PTPRD: variants seen among roughly 807,000 people sequenced by gnomAD.
The protein encoded by PTPRD is protein tyrosine phosphatase receptor type D, also known as receptor-type tyrosine-protein phosphatase delta.
PTPRD carries 34 observed loss-of-function variants against 214.5 expected under a neutral mutation model. The ratio of observed to expected loss-of-function variants is 0.16; its 90% CI spans 0.12 to 0.21. PTPRD has a LOEUF of 0.21. PTPRD is among the 10% of genes least tolerant of loss of function. The pLI, the probability that PTPRD is intolerant of heterozygous loss-of-function variation, is 1.00. For synonymous variants in PTPRD, 1,128 were observed against 845.7 expected (o/e 1.33, Z -5.79); for missense variants, 2,545 against 2,398.7 (o/e 1.06, Z -1.27).
At chr9:9,748,738 G>A (rs192885085) in intron 6 of PTPRD, among the ~76,000 whole-genome samples, 14 of 152,202 alleles carry the variant, frequency 9.2e-5, no homozygotes, top group East Asian at 1.9e-4. Context: ...TTTAACTTAC[G>A]AATTTTGGCC....
chr9:8,526,640 A>G lies in PTPRD; in HGVS notation c.555T>C (p.Gly185=). 6.3e-7 allele frequency: 1 copy of G among 1,575,846 alleles called. No individual in the cohort carries two copies. The highest frequency in any genetic ancestry group is 8.6e-7 in the Non-Finnish European group (1 of 1,158,774). The change falls in exon 17 of 46, where the codon GGT becomes GGC. Residue 185 remains glycine (G), a synonymous_variant. Transcript: ENST00000381196. The part of the protein sequence containing the change: ...IKQLRSESIG[G]TPIRGALQIE... ...CAGCACTCTTACCTCTTATTGGTGT[A>G]CCACCTGGGTGGATAATATGAATGC...
intron 2 of PTPRD, among the ~76,000 whole-genome samples, chr9:10,508,071 A>T (rs1027199386): frequency 6.6e-6 from 1 of 152,238 alleles, no homozygotes; most frequent in Non-Finnish European, 1.5e-5. Flanking sequence ...GCTAATATCC[A>T]CAATCTACAA....
At chr9:9,573,326 C>T (rs1726765729) in intron 8 of PTPRD, among the ~76,000 whole-genome samples, 1 of 151,218 alleles carries the variant, frequency 6.6e-6, no homozygotes, top group African/African-American at 2.4e-5. Flanking sequence ...GTTCTGTATA[C>T]TTCTAGAACT....
In PTPRD at chr9:10,050,115, T is replaced by C. The variant is rs765976735; in HGVS notation, c.-544-16325A>G. Among the ~76,000 whole-genome samples, 5 of 152,088 alleles carry C rather than the reference T, an allele frequency of 3.3e-5. No homozygotes were observed. The East Asian group carries it at 5.8e-4, about 18-fold the overall frequency. On this transcript the variant is annotated intron_variant, in intron 3 of 45. Transcript: ENST00000381196. ...AATATCTGTCGAATTAAAGGACCAA[T>C]GGGAATTAGAGAAGATTGTGGCATG...
At chr9:8,479,470 A>G (rs1040174194) in intron 30 of PTPRD, among the ~76,000 whole-genome samples, 5 of 152,216 alleles carry the variant, frequency 3.3e-5, no homozygotes, top group South Asian at 2.1e-4. Flanking sequence ...GTGATGTCAA[A>G]GTTTTATACC....
intron 11 of PTPRD, among the ~76,000 whole-genome samples, chr9:8,847,233 G>A (rs2117099): frequency 0.16 from 23,737 of 151,326 alleles, 4,554 homozygotes; most frequent in African/African-American, 0.46. Flanking sequence ...AGTAAAAGTC[G>A]GATTAAAATA....
At chr9:10,208,454 C>T (rs534040641) in intron 3 of PTPRD, among the ~76,000 whole-genome samples, 4 of 152,322 alleles carry the variant, frequency 2.6e-5, no homozygotes, top group Non-Finnish European at 5.9e-5. Flanking sequence ...GCGGAGCTTG[C>T]AGTGAACGGA....
intron 2 of PTPRD, among the ~76,000 whole-genome samples, chr9:10,512,122 C>A (rs2048493518): frequency 6.7e-6 from 1 of 148,266 alleles, no homozygotes; most frequent in Non-Finnish European, 1.5e-5. Context: ...CAAGAGGTTG[C>A]CAGATCAGGC....
At chr9:9,974,278 T>C (rs181918644) in intron 4 of PTPRD, among the ~76,000 whole-genome samples, 9 of 152,306 alleles carry the variant, frequency 5.9e-5, no homozygotes. Flanking sequence ...AACCACCAGG[T>C]AAATACATTT....
intron 4 of PTPRD, among the ~76,000 whole-genome samples, chr9:9,988,273 T>C (rs1379314490): frequency 6.6e-6 from 1 of 152,212 alleles, no homozygotes; most frequent in African/African-American, 2.4e-5. Context: ...ACATATTTTA[T>C]GAAATTATGT....
intron 8 of PTPRD, among the ~76,000 whole-genome samples, chr9:9,528,596 C>T (rs2074710768): frequency 6.6e-6 from 1 of 151,758 alleles, no homozygotes; most frequent in Non-Finnish European, 1.5e-5. Context: ...AAACTATAAA[C>T]CTACAGAACA....
At chr9:8,856,960 C>T (rs1361879930) in intron 11 of PTPRD, among the ~76,000 whole-genome samples, 2 of 152,282 alleles carry the variant, frequency 1.3e-5, no homozygotes, top group East Asian at 3.9e-4. Context: ...TTGGTTTGTT[C>T]GTGGCTTTCT....
At chr9:10,299,230 A>G (rs193213281) in intron 3 of PTPRD, among the ~76,000 whole-genome samples, 2,002 of 152,268 alleles carry the variant, frequency 0.013, 15 homozygotes, top group Non-Finnish European at 0.019. Flanking sequence ...TATCATCATC[A>G]ACAATGGATA....
At chr9:9,493,368 T>C (rs191838473) in intron 8 of PTPRD, among the ~76,000 whole-genome samples, 1 of 152,216 alleles carries the variant, frequency 6.6e-6, no homozygotes, top group African/African-American at 2.4e-5. Context: ...AGGAACAGAG[T>C]CTACTAAGAG....
intron 7 of PTPRD, among the ~76,000 whole-genome samples, chr9:9,625,205 G>C (rs1316185308): frequency 2.0e-5 from 3 of 152,170 alleles, no homozygotes; most frequent in Non-Finnish European, 4.4e-5. Context: ...TTGGAGGTAT[G>C]TCACAGTGGG....
intron 5 of PTPRD, among the ~76,000 whole-genome samples, chr9:9,894,507 C>T (rs576125457): frequency 1.5e-3 from 222 of 151,896 alleles, no homozygotes; most frequent in African/African-American, 5.1e-3. Context: ...TTTCCTGATA[C>T]ACCTATTTTC....
chr9:10,434,928 C>T (rs1361197451), intron 2 of PTPRD, among the ~76,000 whole-genome samples: 1 of 151,808 alleles, frequency 6.6e-6, no homozygotes, highest in Non-Finnish European at 1.5e-5. Context: ...TGGCTTCATG[C>T]ACTGAGTGAG....
Position 10,442,356 on chromosome 9 carries a change from T to C in PTPRD, c.-599-101339A>G, listed in dbSNP as rs73408121. ...TAGGTTTTAGTAGCACTTGCTAATT[T>C]ACTTGATTAGTTCAAAAGTTGCAGA... On this transcript the variant is annotated intron_variant, in intron 2 of 45. Coordinates refer to ENST00000381196, the MANE Select transcript of PTPRD (RefSeq NM_002839.4). Among the ~76,000 whole-genome samples the C allele has an allele frequency of 6.6e-3, 1,005 of 151,732 alleles. 4 individuals carry two copies. Among genetic ancestry groups the C allele is most frequent in the Non-Finnish European group, 0.011 (735 of 67,688 alleles).
chr9:10,473,637 A>T (rs2099045033), intron 2 of PTPRD, among the ~76,000 whole-genome samples: 1 of 152,088 alleles, frequency 6.6e-6, no homozygotes, highest in African/African-American at 2.4e-5. Context: ...ATCATTTCTG[A>T]TTGACATTTT....
Sources: allele counts gnomAD v4.1 joint callset (sites outside exome capture counted in the v4.1 genomes callset), GRCh38; gene constraint gnomAD v4.1.1; transcripts MANE v1.5; gene names NCBI Gene and HGNC (gene_info 2026-07-23, HGNC 2026-07-21).